The following SGCD variants were observed in gnomAD, a reference collection of about 807,000 sequenced individuals.
SGCD encodes delta-sarcoglycan.
SGCD carries 18 observed loss-of-function variants against 36.6 expected under a neutral mutation model. The observed-to-expected ratio is 0.49, with a 90% CI of 0.34 to 0.73. SGCD has a LOEUF of 0.73. Among genes scored for constraint, SGCD ranks in the 30% least tolerant of loss-of-function variants. The pLI is 0.01. For missense variants in SGCD, 387 were observed against 346.7 expected, an observed-to-expected ratio of 1.12 and a Z score of -0.92; for synonymous variants, 133 against 130.6, an observed-to-expected ratio of 1.02 and a Z score of -0.12.
the SGCD span, among the ~76,000 whole-genome samples, chr5:155,776,540 A>C: frequency 6.6e-6 from 1 of 152,178 alleles, no homozygotes; most frequent in Admixed American, 6.6e-5. Flanking sequence ...AAGAAACCAC[A>C]GAGGTGAAGT....
At chr5:156,140,843 C>T (rs1762563459) in intron 3 of SGCD, among the ~76,000 whole-genome samples, 1 of 152,196 alleles carries the variant, frequency 6.6e-6, no homozygotes. Context: ...TAGCCCCATG[C>T]TATTCATAAA....
intron 3 of SGCD, among the ~76,000 whole-genome samples, chr5:156,207,049 G>A (rs946736245): frequency 3.9e-5 from 6 of 151,974 alleles, no homozygotes; most frequent in African/African-American, 9.7e-5. Flanking sequence ...CTTGCCAACC[G>A]TGTTTTACTT....
At chr5:156,405,715 G>A (rs1325478960) in intron 3 of SGCD, among the ~76,000 whole-genome samples, 1 of 152,134 alleles carries the variant, frequency 6.6e-6, no homozygotes, top group Admixed American at 6.5e-5. Context: ...CTGTGCCTGA[G>A]TAGTAACTTT....
chr5:156,212,425 G>T (rs989350004), intron 3 of SGCD, among the ~76,000 whole-genome samples: 8 of 152,086 alleles, frequency 5.3e-5, no homozygotes, highest in Non-Finnish European at 1.2e-4. Flanking sequence ...AGTGATAAAG[G>T]TATCAGTTCA....
At chr5:156,268,564 C>CTCCTTCCTTCCTTCCTTCCTTCCTTCCT (rs57057008) in intron 3 of SGCD, among the ~76,000 whole-genome samples, 1 of 149,460 alleles carries the variant, frequency 6.7e-6, no homozygotes, top group Non-Finnish European at 1.5e-5. Context: ...TTTTGATTTG[C>CTCCTTCCTTCCTTCCTTCCTTCCTTCCT]TCCTTCCTTC....
At chr5:156,128,632 C>G (rs568597219) in intron 3 of SGCD, among the ~76,000 whole-genome samples, 15 of 152,206 alleles carry the variant, frequency 9.9e-5, no homozygotes, top group African/African-American at 3.4e-4. Context: ...TGGTTTCCCC[C>G]ATGCTTTTCT....
At chr5:156,083,298 T>C (rs1761008531) in intron 1 of SGCD, among the ~76,000 whole-genome samples, 1 of 150,240 alleles carries the variant, frequency 6.7e-6, no homozygotes, top group Non-Finnish European at 1.5e-5. Context: ...TTTTTTTCCT[T>C]TTTTTTTTTC....
the SGCD span, among the ~76,000 whole-genome samples, chr5:155,804,043 C>T: frequency 4.6e-5 from 7 of 152,030 alleles, no homozygotes; most frequent in African/African-American, 7.2e-5. Context: ...CCATCTTTGG[C>T]GGAGATACTA....
intron 3 of SGCD, among the ~76,000 whole-genome samples, chr5:156,214,230 TAG>T (rs1016792808): frequency 6.6e-6 from 1 of 151,952 alleles, no homozygotes; most frequent in African/African-American, 2.4e-5. Context: ...AAAAAACTAT[TAG>T]ATCTAATAAA....
the SGCD span, among the ~76,000 whole-genome samples, chr5:155,737,295 C>A: frequency 6.6e-6 from 1 of 152,078 alleles, no homozygotes; most frequent in Admixed American, 6.5e-5. Context: ...ACAAAAGTTT[C>A]AAAAAATATA....
intron 7 of SGCD, among the ~76,000 whole-genome samples, chr5:156,683,689 A>C (rs1022782045): frequency 2.6e-5 from 4 of 152,214 alleles, no homozygotes; most frequent in African/African-American, 9.6e-5. Context: ...TTGCATTTGC[A>C]TAGACCTGAG....
chr5:156,194,789 T>A (rs1465191334), intron 3 of SGCD, among the ~76,000 whole-genome samples: 2 of 152,138 alleles, frequency 1.3e-5, no homozygotes, highest in East Asian at 3.8e-4. Flanking sequence ...ACTGTTTGTA[T>A]GATCTTGGGG....
At chr5:155,958,302 C>A (rs1472182159) in intron 1 of SGCD, among the ~76,000 whole-genome samples, 1 of 152,058 alleles carries the variant, frequency 6.6e-6, no homozygotes, top group Non-Finnish European at 1.5e-5. Flanking sequence ...TAAACTAATT[C>A]TCAGAGCAAG....
intron 1 of SGCD, among the ~76,000 whole-genome samples, chr5:155,945,478 A>G (rs1757420283): frequency 6.6e-6 from 1 of 152,228 alleles, no homozygotes; most frequent in Admixed American, 6.5e-5. Context: ...AAGTAAAAAC[A>G]TCACACCAAC....
At chr5:156,092,470 A>G (rs752736454) in intron 1 of SGCD, among the ~76,000 whole-genome samples, 1 of 152,186 alleles carries the variant, frequency 6.6e-6, no homozygotes, top group East Asian at 1.9e-4. Flanking sequence ...TCCTTTATCT[A>G]GTTGTAAGCT....
intron 4 of SGCD, among the ~76,000 whole-genome samples, chr5:156,544,241 C>A (rs1227085065): frequency 1.3e-5 from 2 of 152,180 alleles, no homozygotes; most frequent in Admixed American, 6.5e-5. Flanking sequence ...CGATAAAGAG[C>A]TAGCTAAATA....
intron 3 of SGCD, among the ~76,000 whole-genome samples, chr5:156,385,816 A>G (rs1771246515): frequency 1.3e-5 from 2 of 152,184 alleles, no homozygotes; most frequent in Admixed American, 6.5e-5. Flanking sequence ...CGACATTCCC[A>G]TTTTTTGAGC....
Position 156,600,478 on chromosome 5 carries a change from G to A in SGCD, c.502+5427G>A, listed in dbSNP as rs558856311. ...AAATGTCCTCTGGTTTGCCCATTTT[G>A]TCCCAAATGACAGAATATTATTCTT... On this transcript the variant is annotated intron_variant, in intron 6 of 8. Coordinates refer to ENST00000337851, the MANE Select transcript of SGCD (RefSeq NM_000337.6). 1.3e-4 allele frequency among the ~76,000 whole-genome samples: 20 copies of A among 152,194 alleles called. 1 individual carries two copies. In the South Asian group the frequency reaches 3.7e-3, roughly 28 times the overall value.
intron 1 of SGCD, among the ~76,000 whole-genome samples, chr5:156,078,980 G>A (rs1760875016): frequency 6.8e-6 from 1 of 146,690 alleles, no homozygotes; most frequent in South Asian, 2.1e-4. Context: ...GGCTGTTATT[G>A]CATTGGTATA....
Sources: allele counts gnomAD v4.1 joint callset (sites outside exome capture counted in the v4.1 genomes callset), GRCh38; gene constraint gnomAD v4.1.1; transcripts MANE v1.5; gene names NCBI Gene and HGNC (gene_info 2026-07-23, HGNC 2026-07-21).